The following SLC52A3 variants were observed in gnomAD, a reference collection of about 807,000 sequenced individuals.
SLC52A3 encodes solute carrier family 52, riboflavin transporter, member 3.
A neutral mutation model predicts 29.5 loss-of-function variants in SLC52A3; 20 were observed. The ratio of observed to expected loss-of-function variants is 0.68; its 90% CI spans 0.48 to 0.99. The LOEUF is 0.99. Among genes scored for constraint, SLC52A3 ranks in the 50% least tolerant of loss-of-function variants. The pLI is 0.00. For missense variants in SLC52A3, 548 were observed against 612.9 expected, an observed-to-expected ratio of 0.89 and a Z score of 1.12; for synonymous variants, 301 against 271.0, an observed-to-expected ratio of 1.11 and a Z score of -1.09.
chr20:763,677 C>T lies in SLC52A3; in HGVS notation c.894G>A (p.Ala298=), dbSNP rs532778217. Residue 298 remains alanine, a synonymous_variant, in exon 3 of 5, where the codon GCG becomes GCA. Transcript: ENST00000645534. The part of the protein sequence containing the change: ...LEEKAAPCCP[A]HLAFIYTLVA... ...CCAGGGTATAGATGAAGGCCAGGTG[C>T]GCCGGGCAGCAGGGGGCTGCTTTCT... The T allele has an allele frequency of 1.9e-5, 31 of 1,614,054 alleles. No homozygotes were observed. The highest frequency in any genetic ancestry group is 3.3e-4 in the Middle Eastern group (2 of 6,084).
chr20:775,561 T>C (rs894638501), intron 1 of SLC52A3, among the ~76,000 whole-genome samples: 8 of 152,158 alleles, frequency 5.3e-5, no homozygotes, highest in African/African-American at 1.9e-4. Flanking sequence ...ATTACAGGCG[T>C]GAGCCATGAC....
rs3746807 is a variant in SLC52A3, at chr20:765,319, G to A, written c.456C>T (p.Pro152=). 169,809 of 1,613,980 alleles carry A rather than the reference G, an allele frequency of 0.11. 9,579 individuals are homozygous for A. Among genetic ancestry groups the A allele is most frequent in the East Asian group, 0.21 (9,542 of 44,852 alleles). ...FVGEGLSGLL[P]ALVALAQGSG... The stretch of plus-strand genomic sequence containing the variant: ...AGCCCTGGGCAAGAGCCACCAGGGC[G>A]GGCAAGAGGCCGCTGAGTCCTTCAC... The change falls in exon 2 of 5, where the codon CCC becomes CCT. Residue 152 remains proline, a synonymous_variant. Transcript: ENST00000645534. The surrounding 1 kb of genome is among the most constrained non-coding windows in gnomAD (Gnocchi z 6.6).
At chr20:771,002 G>C (rs1343357116), upstream of SLC52A3, among the ~76,000 whole-genome samples, 1 of 152,238 alleles carries the variant, frequency 6.6e-6, no homozygotes, top group Non-Finnish European at 1.5e-5. Context: ...TTTTGTGGCA[G>C]AGAGCACCCA....
At chr20:761,614 T>C (rs1986483729) in intron 4 of SLC52A3, 87 bp downstream of exon 4, 2 of 1,579,872 alleles carry the variant, frequency 1.3e-6, no homozygotes, top group Non-Finnish European at 1.7e-6. Context: ...CCCCGCTCGC[T>C]GGAAAGGGCC....
chr20:765,477 G>T lies in SLC52A3; in HGVS notation c.298C>A (p.Leu100Met), dbSNP rs1200146951. ...AFLWNMTSWV[L>M]DGHHSIAFLV... ...AAGGCGATGCTGTGGTGGCCGTCCA[G>T]CACCCAGGAGGTCATATTCCAGAGG... The change falls in exon 2 of 5, where the codon CTG becomes ATG. Residue 100 changes from leucine (L) to methionine (M), a missense_variant. This residue lies in a region of SLC52A3 where 375 missense variants were observed against 471.1 expected (regional missense o/e 0.80). Coordinates refer to ENST00000645534, the MANE Select transcript of SLC52A3 (RefSeq NM_033409.4). This position sits in a 1 kb window ranked among gnomAD's most constrained non-coding sequence, Gnocchi z 6.6. 3 of 1,599,688 alleles carry T rather than the reference G, an allele frequency of 1.9e-6. No individual in the cohort carries two copies. Among genetic ancestry groups the T allele is most frequent in the African/African-American group, 2.7e-5 (2 of 74,634 alleles).
chr20:760,718 G>T lies in SLC52A3; in HGVS notation c.*308C>A. The stretch of plus-strand genomic sequence containing the variant: ...ACACAGCCTGAAGGGACAGCCGGCT[G>T]TCCCAGCTGTTTCCCTTCTAACACC... On this transcript the variant is annotated 3_prime_UTR_variant, in exon 5 of 5. Coordinates refer to ENST00000645534, the MANE Select transcript of SLC52A3 (RefSeq NM_033409.4). The surrounding 1 kb of genome is among the most constrained non-coding windows in gnomAD (Gnocchi z 4.9). 1 of 433,120 alleles carries T rather than the reference G, an allele frequency of 2.3e-6. No individual in the cohort carries two copies. The highest frequency in any genetic ancestry group is 4.2e-6 in the Non-Finnish European group (1 of 240,394). 26.8% of individuals were successfully genotyped at this position (433,120 alleles called of 1,614,324 possible).
upstream of SLC52A3, among the ~76,000 whole-genome samples, chr20:770,031 G>A (rs931227511): frequency 7.9e-5 from 12 of 152,160 alleles, no homozygotes; most frequent in African/African-American, 2.7e-4. This position sits in a 1 kb window ranked among gnomAD's most constrained non-coding sequence, Gnocchi z 4.5. Context: ...ATTCAAATGC[G>A]ACTTTGAGTA....
Position 763,810 on chromosome 20 carries a change from T to A in SLC52A3, c.761A>T (p.Asp254Val), listed in dbSNP as rs752797364. The A allele has an allele frequency of 1.9e-6, 3 of 1,613,880 alleles. No homozygotes were observed. Among genetic ancestry groups the A allele is most frequent in the South Asian group, 2.2e-5 (2 of 91,060 alleles). The change falls in exon 3 of 5, where the codon GAC becomes GTC. Residue 254 changes from aspartate (D) to valine (V), a missense_variant. By Grantham distance (152) the Asp-to-Val change is radical. Around this residue, in one of 2 missense-constraint regions of SLC52A3, gnomAD observed 375 missense variants for 471.1 expected, o/e 0.80. Transcript: ENST00000645534. ...QPRCWEASVE[D>V]LLNDQVTLHS... Reference sequence around the variant, plus strand: ...GAGGGTGACCTGGTCATTGAGGAGGTCTTCCACGGAAGCCTCCCAGCACCT... The same window carrying A: ...GAGGGTGACCTGGTCATTGAGGAGGACTTCCACGGAAGCCTCCCAGCACCT...
In SLC52A3 at chr20:765,682, C is replaced by T. The variant is rs1986661989; in HGVS notation, c.93G>A (p.Val31=). The T allele has an allele frequency of 6.2e-7, 1 of 1,613,560 alleles. No individual in the cohort carries two copies. The change falls in exon 2 of 5, where the codon GTG becomes GTA. Residue 31 remains valine (V), a synonymous_variant. Transcript: ENST00000645534. This position sits in a 1 kb window ranked among gnomAD's most constrained non-coding sequence, Gnocchi z 6.6. ...NGLWVELPLL[V]MELPEGWYLP... Reference sequence around the variant, plus strand: ...GGTACCAGCCCTCGGGCAGCTCCATCACCAGCAGGGGCAGCTCTACCCAGA... The same window carrying T: ...GGTACCAGCCCTCGGGCAGCTCCATTACCAGCAGGGGCAGCTCTACCCAGA...
chr20:765,723 C>T lies in SLC52A3; in HGVS notation c.52G>A (p.Val18Met). Residue 18 changes from valine (V) to methionine (M), a missense_variant, in exon 2 of 5, where the codon GTG (valine) becomes ATG (methionine). Around this residue, in one of 2 missense-constraint regions of SLC52A3, gnomAD observed 375 missense variants for 471.1 expected, o/e 0.80. Coordinates refer to ENST00000645534, the MANE Select transcript of SLC52A3 (RefSeq NM_033409.4). The surrounding 1 kb of genome is among the most constrained non-coding windows in gnomAD (Gnocchi z 6.6). The part of the protein sequence containing the change: ...LVCVFGMGSW[V>M]TINGLWVELP... ...TCTACCCAGAGCCCATTGATGGTCACCCAGGAGCCCATTCCGAAGACGCAG... is the reference window on the plus strand; with the variant it reads ...TCTACCCAGAGCCCATTGATGGTCATCCAGGAGCCCATTCCGAAGACGCAG... 1 of 1,613,724 alleles carries T rather than the reference C, an allele frequency of 6.2e-7. No individual in the cohort carries two copies. Among genetic ancestry groups the T allele is most frequent in the South Asian group, 1.1e-5 (1 of 90,978 alleles).
At chr20:778,590 T>C (rs1018797204), upstream of SLC52A3, among the ~76,000 whole-genome samples, 2 of 152,202 alleles carry the variant, frequency 1.3e-5, no homozygotes, top group South Asian at 2.1e-4. Flanking sequence ...AGGGAAGCCA[T>C]GTTTCCCTTC....
intron 3 of SLC52A3, among the ~76,000 whole-genome samples, chr20:762,929 C>T (rs1425959235): frequency 1.3e-5 from 2 of 152,200 alleles, no homozygotes; most frequent in African/African-American, 4.8e-5. Flanking sequence ...CGTCTGGTTT[C>T]CTTACTAAAA....
chr20:763,380 G>C, intron 3 of SLC52A3, 118 bp downstream of exon 3: 2 of 1,354,386 alleles, frequency 1.5e-6, no homozygotes, highest in Non-Finnish European at 2.1e-6. Flanking sequence ...GGACCAGGGT[G>C]CTCCCCAAAC....
chr20:771,329 A>C (rs781462634), upstream of SLC52A3, among the ~76,000 whole-genome samples: 2 of 152,198 alleles, frequency 1.3e-5, no homozygotes, highest in Non-Finnish European at 2.9e-5. Flanking sequence ...CGGGAGGCTG[A>C]AGCAGGAGAA....
Position 763,757 on chromosome 20 carries a change from C to G in SLC52A3, c.814G>C (p.Asp272His), listed in dbSNP as rs377559449. 12 of 1,614,046 alleles carry G rather than the reference C, an allele frequency of 7.4e-6. No homozygotes were observed. The African/African-American group carries it at 9.3e-5, about 13-fold the overall frequency. ...TCCACCGTGCCTGCAGGGCCCAAGT[C>G]ATTCTCTTCCCGCGGCCGGATGGAG... The part of the protein sequence containing the change: ...LHSIRPREEN[D>H]LGPAGTVDSS... Residue 272 changes from aspartate (D) to histidine (H), a missense_variant, in exon 3 of 5, where the codon GAC becomes CAC. Physicochemically the swap from Asp to His is moderately conservative, Grantham distance 81 (BLOSUM62 -1). This residue lies in a region of SLC52A3 where 375 missense variants were observed against 471.1 expected (regional missense o/e 0.80). Coordinates refer to ENST00000645534, the MANE Select transcript of SLC52A3 (RefSeq NM_033409.4).
At chr20:774,103 A>C (rs1246103105) in intron 1 of SLC52A3, among the ~76,000 whole-genome samples, 1 of 152,216 alleles carries the variant, frequency 6.6e-6, no homozygotes, top group Non-Finnish European at 1.5e-5. Context: ...CCAGGTGACC[A>C]TCTGGCTTGC....
chr20:770,826 T>A (rs149285594), upstream of SLC52A3, among the ~76,000 whole-genome samples: 3 of 152,208 alleles, frequency 2.0e-5, no homozygotes, highest in Admixed American at 6.5e-5. This position sits in a 1 kb window ranked among gnomAD's most constrained non-coding sequence, Gnocchi z 4.5. Context: ...CACAAGTGGG[T>A]ATTCCTTCTG....
chr20:770,103 A>C (rs2122542409), upstream of SLC52A3, among the ~76,000 whole-genome samples: 1 of 151,360 alleles, frequency 6.6e-6, no homozygotes, highest in Non-Finnish European at 1.5e-5. This position sits in a 1 kb window ranked among gnomAD's most constrained non-coding sequence, Gnocchi z 4.5. Context: ...CACTCATTTA[A>C]TTTTATGTAA....
upstream of SLC52A3, among the ~76,000 whole-genome samples, chr20:769,690 A>G (rs1345095669): frequency 2.0e-5 from 3 of 152,170 alleles, no homozygotes; most frequent in Non-Finnish European, 4.4e-5. Context: ...TGAGGTCATG[A>G]GTCCGAGACT....
Sources: allele counts gnomAD v4.1 joint callset (sites outside exome capture counted in the v4.1 genomes callset), GRCh38; gene constraint gnomAD v4.1.1; regional missense constraint gnomAD v4.1.1; non-coding constraint Gnocchi (gnomAD v3.1); transcripts MANE v1.5; gene names NCBI Gene and HGNC (gene_info 2026-07-23, HGNC 2026-07-21).